RASSF8: variants seen among roughly 807,000 people sequenced by gnomAD.
RASSF8 encodes the protein ras association domain-containing protein 8.
RASSF8 carries 22 observed loss-of-function variants against 48.5 expected under a neutral mutation model. The observed-to-expected ratio is 0.45, with a 90% confidence interval of 0.32 to 0.65. RASSF8 has a LOEUF of 0.65. RASSF8 is among the 30% of genes least tolerant of loss of function. The probability of loss-of-function intolerance (pLI) is 0.03; values close to 1 mark genes in which losing one functional copy is unlikely to be tolerated. For missense variants in RASSF8, 418 were observed against 489.2 expected, an observed-to-expected ratio of 0.85 and a Z score of 1.37; for synonymous variants, 127 against 171.5, an observed-to-expected ratio of 0.74 and a Z score of 2.03.
chr12:26,032,950 T>C (rs905219098), intron 2 of RASSF8, among the ~76,000 whole-genome samples: 1 of 152,202 alleles, frequency 6.6e-6, no homozygotes, highest in Non-Finnish European at 1.5e-5. Context: ...TATTACATAA[T>C]CAGTTAAAAG....
chr12:25,979,423 A>G (rs1394421041), intron 1 of RASSF8, among the ~76,000 whole-genome samples: 1 of 152,132 alleles, frequency 6.6e-6, no homozygotes, highest in East Asian at 1.9e-4. Flanking sequence ...GCAACGAGGA[A>G]ATCATTGAGG....
chr12:26,005,534 A>G (rs1942370204), intron 2 of RASSF8, among the ~76,000 whole-genome samples: 1 of 152,210 alleles, frequency 6.6e-6, no homozygotes, highest in African/African-American at 2.4e-5. Context: ...AGACAAGGTT[A>G]GAATATAAAA....
At chr12:25,966,365 G>A (rs1048056198) in intron 1 of RASSF8, among the ~76,000 whole-genome samples, 3 of 152,024 alleles carry the variant, frequency 2.0e-5, no homozygotes, top group Non-Finnish European at 4.4e-5. Context: ...CACCATGCCC[G>A]GCTGTTTTTT....
chr12:26,025,510 C>T (rs1045609836), intron 2 of RASSF8, among the ~76,000 whole-genome samples: 1 of 147,670 alleles, frequency 6.8e-6, no homozygotes, highest in Non-Finnish European at 1.5e-5. Context: ...GGCAGTGAGC[C>T]GAGATCGCAC....
At chr12:26,036,924 A>T (rs11048389) in intron 2 of RASSF8, among the ~76,000 whole-genome samples, 10,707 of 149,020 alleles carry the variant, frequency 0.072, 734 homozygotes, top group East Asian at 0.27. Flanking sequence ...ACAAAAAAAT[A>T]AAAAAAAAAC....
chr12:25,993,941 C>G (rs984665873), intron 1 of RASSF8, among the ~76,000 whole-genome samples: 7 of 152,154 alleles, frequency 4.6e-5, no homozygotes, highest in African/African-American at 1.7e-4. Flanking sequence ...AATCAGGAAG[C>G]CATTGGCATT....
intron 2 of RASSF8, among the ~76,000 whole-genome samples, chr12:26,042,055 A>G (rs1488417292): frequency 6.6e-6 from 1 of 152,220 alleles, no homozygotes; most frequent in Non-Finnish European, 1.5e-5. Flanking sequence ...AACGAGGTAT[A>G]TATTTGTTTA....
At chr12:26,009,035 C>G (rs1006398531) in intron 2 of RASSF8, among the ~76,000 whole-genome samples, 5 of 152,108 alleles carry the variant, frequency 3.3e-5, no homozygotes, top group African/African-American at 1.2e-4. Context: ...CTGGTAGTCC[C>G]CTGTGTACCA....
chr12:26,055,108 C>G, intron 2 of RASSF8, 128 bp from the exon 3 acceptor site: 2 of 477,306 alleles, frequency 4.2e-6, no homozygotes, highest in Non-Finnish European at 7.6e-6. Context: ...TAATTCATTT[C>G]TGTAAAATAA....
intron 2 of RASSF8, among the ~76,000 whole-genome samples, chr12:26,026,103 G>A (rs1435799885): frequency 6.6e-6 from 1 of 152,150 alleles, no homozygotes; most frequent in African/African-American, 2.4e-5. Flanking sequence ...GACATCAAAT[G>A]TGCAAGCAAC....
In RASSF8 at chr12:26,068,815, A is replaced by T. The variant is rs1390270136; in HGVS notation, c.1257A>T (p.Val419=). Residue 419 remains valine (V), a synonymous_variant, in exon 6 of 6, where the codon GTA becomes GTT. Coordinates refer to ENST00000689635, the MANE Select transcript of RASSF8 (RefSeq NM_001394098.1). ...GTTTTAATCCTGAAGGCATATATGTATGACATTATCTGTCTTTAGGGAGGA... is the reference window on the plus strand; with the variant it reads ...GTTTTAATCCTGAAGGCATATATGTTTGACATTATCTGTCTTTAGGGAGGA... ...SSGFNPEGIY[V] The T allele has an allele frequency of 6.5e-7, 1 of 1,536,766 alleles. No individual in the cohort carries two copies. Among genetic ancestry groups the T allele is most frequent in the Non-Finnish European group, 8.7e-7 (1 of 1,146,646 alleles).
chr12:26,017,857 A>G (rs1257977391), intron 2 of RASSF8, among the ~76,000 whole-genome samples: 1 of 152,240 alleles, frequency 6.6e-6, no homozygotes, highest in Non-Finnish European at 1.5e-5. Flanking sequence ...AAGTATTTTA[A>G]GGGTCCAGAT....
chr12:26,062,255 G>A (rs1433689872), intron 3 of RASSF8, among the ~76,000 whole-genome samples: 2 of 152,210 alleles, frequency 1.3e-5, no homozygotes, highest in Admixed American at 6.5e-5. Flanking sequence ...TAACATTGCA[G>A]ATGTGTCATG....
chr12:26,047,201 G>T (rs1328385181), intron 2 of RASSF8, among the ~76,000 whole-genome samples: 1 of 152,114 alleles, frequency 6.6e-6, no homozygotes, highest in Admixed American at 6.5e-5. Context: ...ACTGCAGCAA[G>T]AAATGGAGCC....
At chr12:25,965,290 C>G (rs56228589) in intron 1 of RASSF8, among the ~76,000 whole-genome samples, 14,783 of 151,710 alleles carry the variant, frequency 0.097, 766 homozygotes, top group Middle Eastern at 0.15. Context: ...CTGCACATAC[C>G]TAACTGTACA....
At chr12:26,020,290 G>C (rs1942757321) in intron 2 of RASSF8, 1 of 152,090 alleles carries the variant, frequency 6.6e-6, no homozygotes, top group Non-Finnish European at 1.5e-5. Flanking sequence ...CCATTGGAGG[G>C]ACCCTGGCCC....
At chr12:26,016,219 T>TA (rs1565619926) in intron 2 of RASSF8, among the ~76,000 whole-genome samples, 11 of 151,774 alleles carry the variant, frequency 7.2e-5, no homozygotes, top group African/African-American at 2.4e-4. Flanking sequence ...TTTTTTTTTT[T>TA]TTATTTGTTT....
chr12:25,968,254 T>C (rs1404621362), intron 1 of RASSF8, among the ~76,000 whole-genome samples: 1 of 152,264 alleles, frequency 6.6e-6, no homozygotes, highest in Non-Finnish European at 1.5e-5. Context: ...TGAAGTTGTT[T>C]GCAGCATGTT....
intron 1 of RASSF8, among the ~76,000 whole-genome samples, chr12:25,968,849 A>T (rs915104152): frequency 6.6e-6 from 1 of 152,110 alleles, no homozygotes; most frequent in Non-Finnish European, 1.5e-5. Context: ...AGGTGGGGGG[A>T]TTGAAAATGC....
Sources: gnomAD v4.1 joint callset for allele counts (sites outside exome capture counted in the v4.1 genomes callset) on GRCh38, gnomAD v4.1.1 for gene constraint, MANE v1.5 for transcripts, NCBI Gene and HGNC (gene_info 2026-07-23, HGNC 2026-07-21) for gene names.